RASSF6: variants seen among roughly 807,000 people sequenced by gnomAD.
RASSF6 encodes the protein ras association domain-containing protein 6.
In RASSF6, 52 loss-of-function variants were observed where a neutral mutation model predicts 44.0. The observed-to-expected ratio is 1.18, with a 90% CI of 0.95 to 1.49. RASSF6 has a LOEUF of 1.49. Among genes scored for constraint, RASSF6 ranks in the 40% most tolerant of loss-of-function variants. The pLI is 0.00. For synonymous variants in RASSF6, 162 were observed against 124.6 expected (o/e 1.30, Z -2.00); for missense variants, 464 against 393.3 (o/e 1.18, Z -1.52).
chr4:73,588,480 A>G lies in RASSF6; in HGVS notation c.288-546T>C, dbSNP rs185431237. On this transcript the variant is annotated intron_variant, in intron 4 of 10. Transcript: ENST00000307439. ...AATTTTGCCAGAAAATTATGATTTC[A>G]TAAAGAAACTAGCAATTTTAAGTGC... Among the ~76,000 whole-genome samples the G allele has an allele frequency of 7.8e-4, 119 of 152,220 alleles. 1 individual carries two copies. The highest frequency in any genetic ancestry group is 1.2e-3 in the Non-Finnish European group (81 of 67,974).
In RASSF6 at chr4:73,620,340, G is replaced by A. The variant is rs1726620298; in HGVS notation, c.-87C>T. On this transcript the variant is annotated 5_prime_UTR_variant, in exon 1 of 11. Coordinates refer to ENST00000307439, the MANE Select transcript of RASSF6 (RefSeq NM_177532.5). ...CCCTTTTCACCATCGTTGTTCGGCT[G>A]AACTTGCTTCGCGGTTTGTTCTCGG... 9 of 1,487,998 alleles carry A rather than the reference G, an allele frequency of 6.0e-6. No homozygotes were observed. Among genetic ancestry groups the A allele is most frequent in the Non-Finnish European group, 8.0e-6 (9 of 1,123,228 alleles). 92.2% of individuals were successfully genotyped at this position (1,487,998 alleles called of 1,614,324 possible).
intron 3 of RASSF6, among the ~76,000 whole-genome samples, chr4:73,594,481 T>A (rs543645402): frequency 6.6e-6 from 1 of 152,354 alleles, no homozygotes; most frequent in East Asian, 1.9e-4. Flanking sequence ...TGCCACTTCC[T>A]AGTTGTGGCC....
At chr4:73,618,284 G>A (rs1203818996) in intron 1 of RASSF6, among the ~76,000 whole-genome samples, 1 of 40,222 alleles carries the variant, frequency 2.5e-5, no homozygotes, top group Non-Finnish European at 7.2e-5. Flanking sequence ...ATATTCTAAT[G>A]TATAGATATA....
Position 73,576,026 on chromosome 4 carries a change from C to T in RASSF6, c.*209G>A, listed in dbSNP as rs1056172347. ...GCAGTATTCAAGCTTATTTCAGTTACTGAAACTAAACTCAAACTCATTTTG... is the reference window on the plus strand; with the variant it reads ...GCAGTATTCAAGCTTATTTCAGTTATTGAAACTAAACTCAAACTCATTTTG... On this transcript the variant is annotated 3_prime_UTR_variant, in exon 11 of 11. Transcript: ENST00000307439. The T allele has an allele frequency of 2.3e-6, 1 of 427,178 alleles. No homozygotes were observed. The highest frequency in any genetic ancestry group is 2.1e-5 in the African/African-American group (1 of 48,580). 26.5% of individuals were successfully genotyped at this position (427,178 alleles called of 1,614,324 possible). A position where few individuals can be genotyped will look rare whatever the true frequency, so the allele number is the denominator to read the frequency against.
Position 73,586,002 on chromosome 4 carries a change from T to G in RASSF6, c.383-638A>C, listed in dbSNP as rs1334756834. Among the ~76,000 whole-genome samples the G allele has an allele frequency of 2.8e-5, 3 of 107,218 alleles. No homozygotes were observed. The South Asian group carries it at 9.9e-4, about 35-fold the overall frequency. The allele number at this position is 107,218 out of a possible 152,430, so 70.3% of individuals were successfully genotyped here. The stretch of plus-strand genomic sequence containing the variant: ...TCCCCCCTCCCCCCACCCCATTATA[T>G]GTTGGCCCAAGTTCTTTGGAGCTTT... On this transcript the variant is annotated intron_variant, in intron 5 of 10. Coordinates refer to ENST00000307439, the MANE Select transcript of RASSF6 (RefSeq NM_177532.5).
chr4:73,597,286 C>G (rs566098317), intron 3 of RASSF6, among the ~76,000 whole-genome samples: 1 of 151,992 alleles, frequency 6.6e-6, no homozygotes, highest in Non-Finnish European at 1.5e-5. Flanking sequence ...GGGAAAAAAC[C>G]AAACAACCCC....
intron 2 of RASSF6, among the ~76,000 whole-genome samples, chr4:73,607,057 A>C (rs1725690075): frequency 6.6e-6 from 1 of 152,060 alleles, no homozygotes; most frequent in Admixed American, 6.6e-5. Context: ...CATGACTTTC[A>C]CCACTGGTTA....
intron 2 of RASSF6, among the ~76,000 whole-genome samples, chr4:73,610,026 A>C (rs1725899353): frequency 6.6e-6 from 1 of 152,128 alleles, no homozygotes; most frequent in African/African-American, 2.4e-5. Context: ...CCTCATTTTT[A>C]AGAAATGCTT....
chr4:73,605,201 T>C (rs191374586), intron 2 of RASSF6, among the ~76,000 whole-genome samples: 4 of 152,292 alleles, frequency 2.6e-5, no homozygotes, highest in African/African-American at 9.6e-5. Flanking sequence ...ATAAATTCTA[T>C]ATAAGAAACG....
chr4:73,612,483 T>TC (rs56131719), intron 1 of RASSF6, among the ~76,000 whole-genome samples: 743 of 25,680 alleles, frequency 0.029, 10 homozygotes, highest in African/African-American at 0.068. Flanking sequence ...AGTTTTCTTT[T>TC]TTTTTTTTTT....
rs531206339 is a variant in RASSF6, at chr4:73,605,536, G to T, written c.65+6195C>A. ...TCATCTGGTTCAAATGATGAAGAAA[G>T]AATGCTTTTCAATCTTTGCATAGAG... On this transcript the variant is annotated intron_variant, in intron 2 of 10. Coordinates refer to ENST00000307439, the MANE Select transcript of RASSF6 (RefSeq NM_177532.5). Among the ~76,000 whole-genome samples, 26 of 152,328 alleles carry T rather than the reference G, an allele frequency of 1.7e-4. 1 individual carries two copies. The South Asian group carries it at 5.2e-3, about 30-fold the overall frequency.
In RASSF6 at chr4:73,611,707, GTATAA is replaced by G; in HGVS notation, c.65+19_65+23del. 6.8e-7 allele frequency: 1 copy of G among 1,463,864 alleles called. No homozygotes were observed. 90.7% of individuals were successfully genotyped at this position (1,463,864 alleles called of 1,614,324 possible). On this transcript the variant is annotated intron_variant, in intron 2 of 10. Transcript: ENST00000307439. The stretch of plus-strand genomic sequence containing the variant: ...ACAAATGACTGGTGAGTAGGACAAT[GTATAA>G]TATAAGGTGTGTGGTTACCTGGTTA...
At chr4:73,618,181 T>TTCTC (rs1449459390) in intron 1 of RASSF6, among the ~76,000 whole-genome samples, 1 of 151,568 alleles carries the variant, frequency 6.6e-6, no homozygotes, top group Non-Finnish European at 1.5e-5. Context: ...TTTTCTCTCT[T>TTCTC]TCTCTCTCTC....
chr4:73,611,915 C>T (rs926228948), intron 1 of RASSF6, 86 bp from the exon 2 acceptor site: 3 of 893,702 alleles, frequency 3.4e-6, no homozygotes, highest in African/African-American at 3.3e-5. Flanking sequence ...TTTGTTGTGT[C>T]TCTAGAGTAT....
At chr4:73,615,726 A>C (rs1560464208) in intron 1 of RASSF6, among the ~76,000 whole-genome samples, 1 of 152,252 alleles carries the variant, frequency 6.6e-6, no homozygotes, top group East Asian at 1.9e-4. Flanking sequence ...AATCAACAGC[A>C]CTAGAAGTAT....
intron 2 of RASSF6, among the ~76,000 whole-genome samples, chr4:73,602,381 A>C (rs1725330638): frequency 6.6e-6 from 1 of 152,240 alleles, no homozygotes; most frequent in Admixed American, 6.5e-5. Context: ...CTGATGTTCC[A>C]CGGAAAGGTG....
chr4:73,578,175 C>T (rs77395354), intron 8 of RASSF6, among the ~76,000 whole-genome samples: 2,033 of 152,162 alleles, frequency 0.013, 47 homozygotes, highest in African/African-American at 0.047. Flanking sequence ...AAAAACAACA[C>T]GCTTGTTCGT....
rs1332531133 is a variant in RASSF6, at chr4:73,585,150, A to G, written c.567+30T>C. On this transcript the variant is annotated intron_variant, in intron 6 of 10. Transcript: ENST00000307439. ...AGTGAAACAGGGAACCTTATTTTAT[A>G]TTACATTAATGGAATTGTAACTCAC... 5 of 1,482,384 alleles carry G rather than the reference A, an allele frequency of 3.4e-6. No individual in the cohort carries two copies. In the East Asian group the frequency reaches 6.8e-5, roughly 20 times the overall value. 91.8% of individuals were successfully genotyped at this position (1,482,384 alleles called of 1,614,324 possible). A position where few individuals can be genotyped will look rare whatever the true frequency, so the allele number is the denominator to read the frequency against.
chr4:73,581,674 T>C (rs548595104), intron 8 of RASSF6, 143 bp downstream of exon 8: 4 of 549,458 alleles, frequency 7.3e-6, no homozygotes, highest in South Asian at 6.5e-5. Context: ...ATAGATAATG[T>C]TCTAAAGACC....
Sources: allele counts gnomAD v4.1 joint callset (sites outside exome capture counted in the v4.1 genomes callset), GRCh38; gene constraint gnomAD v4.1.1; transcripts MANE v1.5; gene names NCBI Gene and HGNC (gene_info 2026-07-23, HGNC 2026-07-21).